Variants in IMMP2L observed in about 807,000 individuals in gnomAD.
The protein encoded by IMMP2L is inner mitochondrial membrane peptidase subunit 2.
Under a neutral mutation model 19.3 loss-of-function variants are expected in IMMP2L, and 18 were observed. That is an observed-to-expected ratio of 0.93 (90% confidence interval 0.64 to 1.38). IMMP2L has a LOEUF of 1.38. Among genes scored for constraint, IMMP2L ranks in the 40% most tolerant of loss-of-function variants. The probability of loss-of-function intolerance (pLI) is 0.00; values close to 1 mark genes in which losing one functional copy is unlikely to be tolerated. For missense variants in IMMP2L, 233 were observed against 218.2 expected, an observed-to-expected ratio of 1.07 and a Z score of -0.43; for synonymous variants, 76 against 73.0, an observed-to-expected ratio of 1.04 and a Z score of -0.21.
At chr7:111,230,235 T>C (rs905865734) in intron 3 of IMMP2L, among the ~76,000 whole-genome samples, 1 of 152,064 alleles carries the variant, frequency 6.6e-6, no homozygotes, top group Non-Finnish European at 1.5e-5. Flanking sequence ...TGCTGGGTCA[T>C]TCTTACAGCC....
chr7:110,840,331 T>C (rs993647545), intron 5 of IMMP2L, among the ~76,000 whole-genome samples: 1 of 152,164 alleles, frequency 6.6e-6, no homozygotes, highest in Non-Finnish European at 1.5e-5. Context: ...CCAAATTGAA[T>C]GTGCCATCGA....
chr7:110,805,306 G>A (rs1801549845), intron 5 of IMMP2L, among the ~76,000 whole-genome samples: 1 of 152,068 alleles, frequency 6.6e-6, no homozygotes, highest in South Asian at 2.1e-4. Flanking sequence ...AGTGCTAGAA[G>A]GTAAGCTCCA....
chr7:110,924,736 A>G lies in IMMP2L; in HGVS notation c.306-38041T>C, dbSNP rs1814669882. 6.6e-6 allele frequency among the ~76,000 whole-genome samples: 1 copy of G among 152,160 alleles called. No individual in the cohort carries two copies. The highest frequency in any genetic ancestry group is 6.6e-5 in the Admixed American group (1 of 15,252). ...CTTCTTTCAGTGCTTTGGAAGGTAC[A>G]GGAACAGCATTTCCCACCTTTTATC... On this transcript the variant is annotated intron_variant, in intron 4 of 5. Coordinates refer to ENST00000405709, the MANE Select transcript of IMMP2L (RefSeq NM_032549.4). This position sits in a 1 kb window ranked among gnomAD's most constrained non-coding sequence, Gnocchi z 4.2.
intron 5 of IMMP2L, among the ~76,000 whole-genome samples, chr7:110,862,237 T>C (rs1442266099): frequency 6.6e-6 from 1 of 150,912 alleles, no homozygotes; most frequent in Non-Finnish European, 1.5e-5. Flanking sequence ...ATTTTATTTA[T>C]TTTTTTTTAG....
At chr7:110,805,808 T>C (rs1434196078) in intron 5 of IMMP2L, among the ~76,000 whole-genome samples, 1 of 152,066 alleles carries the variant, frequency 6.6e-6, no homozygotes, top group Admixed American at 6.6e-5. Context: ...CTTTGCATAA[T>C]TGTGTTTTAG....
chr7:111,482,149 G>A (rs1402815275), intron 3 of IMMP2L, among the ~76,000 whole-genome samples: 1 of 152,180 alleles, frequency 6.6e-6, no homozygotes, highest in African/African-American at 2.4e-5. Context: ...CATTTCAAGT[G>A]TTCAGTAACT....
chr7:111,377,006 T>C (rs1830732888), intron 3 of IMMP2L, among the ~76,000 whole-genome samples: 1 of 152,000 alleles, frequency 6.6e-6, no homozygotes, highest in Non-Finnish European at 1.5e-5. Context: ...ATACTAGAAG[T>C]CATTGAATTG....
chr7:111,347,203 T>A (rs1379681143), intron 3 of IMMP2L, among the ~76,000 whole-genome samples: 1 of 151,936 alleles, frequency 6.6e-6, no homozygotes, highest in Non-Finnish European at 1.5e-5. Flanking sequence ...GTGACAGGCA[T>A]ACAGATAGCA....
At position 110,975,779 on chromosome 7, in the gene IMMP2L, G is replaced by T. The variant is rs76017362; in HGVS notation, c.240-12214C>A. Reference sequence around the variant, plus strand: ...CACTGCAATGGGTTATAGTGTCATAGTAACAGTTTAGAAATCTTACCACAC... The same window carrying T: ...CACTGCAATGGGTTATAGTGTCATATTAACAGTTTAGAAATCTTACCACAC... On this transcript the variant is annotated intron_variant, in intron 3 of 5. Transcript: ENST00000405709. 3.3e-5 allele frequency among the ~76,000 whole-genome samples: 5 copies of T among 152,208 alleles called. No homozygotes were observed. In the East Asian group the frequency reaches 9.7e-4, roughly 29 times the overall value.
At chr7:110,946,083 G>A (rs1251133978) in intron 4 of IMMP2L, among the ~76,000 whole-genome samples, 2 of 152,142 alleles carry the variant, frequency 1.3e-5, no homozygotes, top group Non-Finnish European at 2.9e-5. Context: ...GGCCAAATAC[G>A]AAAACAGGTT....
At chr7:110,811,140 C>A (rs2131270942) in intron 5 of IMMP2L, among the ~76,000 whole-genome samples, 1 of 151,944 alleles carries the variant, frequency 6.6e-6, no homozygotes, top group African/African-American at 2.4e-5. Context: ...GGTAATGAAA[C>A]CAGTGAAATT....
chr7:111,149,812 A>C (rs1486321736), intron 3 of IMMP2L, among the ~76,000 whole-genome samples: 1 of 152,198 alleles, frequency 6.6e-6, no homozygotes, highest in Admixed American at 6.5e-5. Context: ...TGAGTCATCT[A>C]CAATGATGTA....
At chr7:110,854,169 C>T (rs974934760) in intron 5 of IMMP2L, among the ~76,000 whole-genome samples, 4 of 151,910 alleles carry the variant, frequency 2.6e-5, no homozygotes, top group Non-Finnish European at 5.9e-5. Context: ...GTATGTAATA[C>T]AACCATAAGT....
intron 3 of IMMP2L, among the ~76,000 whole-genome samples, chr7:111,016,474 T>C (rs192861769): frequency 0.035 from 4,609 of 131,274 alleles, 110 homozygotes; most frequent in South Asian, 0.078. Context: ...ATTTATGTAG[T>C]TTATACTATA....
chr7:111,085,592 T>G (rs764584768), intron 3 of IMMP2L, among the ~76,000 whole-genome samples: 1 of 152,222 alleles, frequency 6.6e-6, no homozygotes, highest in Admixed American at 6.5e-5. Flanking sequence ...GATGCTGAGC[T>G]ATTTTTCACA....
intron 4 of IMMP2L, among the ~76,000 whole-genome samples, chr7:110,887,879 G>A (rs186902847): frequency 2.0e-5 from 3 of 151,926 alleles, no homozygotes; most frequent in Non-Finnish European, 4.4e-5. Flanking sequence ...AATTGAGCTT[G>A]GCATACATAC....
chr7:110,825,716 C>A (rs536501630), intron 5 of IMMP2L, among the ~76,000 whole-genome samples: 2 of 152,144 alleles, frequency 1.3e-5, no homozygotes, highest in Non-Finnish European at 2.9e-5. Flanking sequence ...AAATGTTAGA[C>A]CTAAAACCAT....
chr7:111,084,625 ACT>A lies in IMMP2L; in HGVS notation c.240-121062_240-121061del, dbSNP rs1177667817. ...GCAAAAGAACAAGCCTAGGATAAAT[ACT>A]TAAGAGGTAGATGAACCCACAATGA... On this transcript the variant is annotated intron_variant, in intron 3 of 5. Coordinates refer to ENST00000405709, the MANE Select transcript of IMMP2L (RefSeq NM_032549.4). Among the ~76,000 whole-genome samples the A allele has an allele frequency of 8.8e-3, 1,346 of 152,304 alleles. 19 individuals carry two copies. The highest frequency in any genetic ancestry group is 0.029 in the African/African-American group (1,220 of 41,562).
intron 3 of IMMP2L, among the ~76,000 whole-genome samples, chr7:111,345,650 G>A (rs942155691): frequency 2.6e-5 from 4 of 152,120 alleles, no homozygotes; most frequent in Non-Finnish European, 4.4e-5. Flanking sequence ...GAACATCAGA[G>A]GAGGCTAGTG....
Sources: gnomAD v4.1 joint callset for allele counts (sites outside exome capture counted in the v4.1 genomes callset) on GRCh38, gnomAD v4.1.1 for gene constraint, Gnocchi (gnomAD v3.1) non-coding constraint, MANE v1.5 for transcripts, NCBI Gene and HGNC (gene_info 2026-07-23, HGNC 2026-07-21) for gene names.